The following LYPLAL1 variants were observed in gnomAD, a reference collection of about 807,000 sequenced individuals.
LYPLAL1 encodes the protein lysophospholipase-like protein 1.
A neutral mutation model predicts 19.7 loss-of-function variants in LYPLAL1; 23 were observed. The observed-to-expected ratio is 1.17, with a 90% CI of 0.84 to 1.65. The LOEUF (loss-of-function observed/expected upper bound fraction) is 1.65, where lower values mean the gene tolerates loss of function less well. Among genes scored for constraint, LYPLAL1 ranks in the 40% most tolerant of loss-of-function variants. The probability of loss-of-function intolerance (pLI) is 0.00; values close to 1 mark genes in which losing one functional copy is unlikely to be tolerated. For missense variants in LYPLAL1, 355 were observed against 279.4 expected (o/e 1.27, Z -1.93); for synonymous variants, 119 against 96.3 (o/e 1.24, Z -1.38).
chr1:219,355,228 G>A, the LYPLAL1 span, among the ~76,000 whole-genome samples: 1 of 152,120 alleles, frequency 6.6e-6, no homozygotes, highest in Non-Finnish European at 1.5e-5. Context: ...GAACTGATAT[G>A]GCTAGTGGCT....
the LYPLAL1 span, among the ~76,000 whole-genome samples, chr1:219,310,984 A>C: frequency 6.6e-6 from 1 of 152,234 alleles, no homozygotes; most frequent in Non-Finnish European, 1.5e-5. Flanking sequence ...TTCCTGGCTC[A>C]TAGGGAGAGA....
the LYPLAL1 span, among the ~76,000 whole-genome samples, chr1:219,363,804 G>A: frequency 1.8e-4 from 27 of 152,120 alleles, no homozygotes; most frequent in Non-Finnish European, 8.8e-5. Context: ...ACTAGCAAAA[G>A]TCTAACTTTC....
At chr1:219,391,192 G>A in the LYPLAL1 span, among the ~76,000 whole-genome samples, 3 of 152,088 alleles carry the variant, frequency 2.0e-5, no homozygotes, top group Non-Finnish European at 4.4e-5. Flanking sequence ...TGTGACTCTT[G>A]TGTACATTTG....
chr1:219,202,866 A>T (rs552752507), intron 3 of LYPLAL1, among the ~76,000 whole-genome samples: 2,451 of 150,536 alleles, frequency 0.016, 19 homozygotes, highest in Non-Finnish European at 0.023. Context: ...TGCTTGTTTT[A>T]TGTAGAGATG....
chr1:219,196,870 G>T (rs1657647683), intron 3 of LYPLAL1, among the ~76,000 whole-genome samples: 1 of 152,098 alleles, frequency 6.6e-6, no homozygotes, highest in Non-Finnish European at 1.5e-5. Flanking sequence ...CAAGCAGAGA[G>T]CTAAATCATG....
the LYPLAL1 span, among the ~76,000 whole-genome samples, chr1:219,436,237 G>A: frequency 6.6e-6 from 1 of 152,156 alleles, no homozygotes; most frequent in African/African-American, 2.4e-5. Flanking sequence ...TAAAAGTCTG[G>A]GGTTCTAGCC....
chr1:219,412,645 T>C, the LYPLAL1 span, among the ~76,000 whole-genome samples: 1 of 152,168 alleles, frequency 6.6e-6, no homozygotes, highest in African/African-American at 2.4e-5. Flanking sequence ...AGAATCCATA[T>C]CCTTTCTCAC....
the LYPLAL1 span, among the ~76,000 whole-genome samples, chr1:219,312,364 C>G: frequency 6.6e-6 from 1 of 152,170 alleles, no homozygotes; most frequent in Non-Finnish European, 1.5e-5. Context: ...CACCCTTTGT[C>G]CTAGGCTCTT....
At chr1:219,398,645 C>CA in the LYPLAL1 span, among the ~76,000 whole-genome samples, 1 of 152,182 alleles carries the variant, frequency 6.6e-6, no homozygotes, top group Non-Finnish European at 1.5e-5. Flanking sequence ...TTTGAGTTGT[C>CA]AGAGTTCTTG....
chr1:219,230,635 C>T, the LYPLAL1 span, among the ~76,000 whole-genome samples: 175 of 152,320 alleles, frequency 1.1e-3, 1 homozygote, highest in African/African-American at 3.6e-3. Flanking sequence ...TAGCAGACAA[C>T]CTCCTATCCC....
At chr1:219,332,942 A>G in the LYPLAL1 span, among the ~76,000 whole-genome samples, 1 of 151,570 alleles carries the variant, frequency 6.6e-6, no homozygotes, top group Non-Finnish European at 1.5e-5. Flanking sequence ...GAGTATAGAA[A>G]CTAGGTCCCA....
At chr1:219,261,775 C>A in the LYPLAL1 span, among the ~76,000 whole-genome samples, 1 of 152,084 alleles carries the variant, frequency 6.6e-6, no homozygotes, top group Non-Finnish European at 1.5e-5. Context: ...TTAACTGATA[C>A]CTTTGCCTCA....
chr1:219,249,564 A>G, the LYPLAL1 span, among the ~76,000 whole-genome samples: 1 of 152,036 alleles, frequency 6.6e-6, no homozygotes, highest in Non-Finnish European at 1.5e-5. Context: ...ATGCTGGATC[A>G]TAGGTGATGC....
the LYPLAL1 span, among the ~76,000 whole-genome samples, chr1:219,438,449 A>G: frequency 5.3e-5 from 8 of 152,214 alleles, no homozygotes; most frequent in Non-Finnish European, 1.0e-4. Context: ...CGTGCAAAGT[A>G]CCTGCACTTG....
intron 3 of LYPLAL1, among the ~76,000 whole-genome samples, chr1:219,202,885 CTA>C (rs539287946): frequency 3.6e-4 from 54 of 151,768 alleles, no homozygotes; most frequent in African/African-American, 1.3e-3. Context: ...TGGAGTCTCT[CTA>C]TGTTGCCCAG....
chr1:219,306,845 T>C, the LYPLAL1 span, among the ~76,000 whole-genome samples: 2,699 of 83,056 alleles, frequency 0.032, 92 homozygotes, highest in African/African-American at 0.081. Flanking sequence ...GATAGATAGA[T>C]AGATAGACAG....
At chr1:219,174,506 T>C (rs1305695988) in intron 1 of LYPLAL1, among the ~76,000 whole-genome samples, 3 of 152,180 alleles carry the variant, frequency 2.0e-5, no homozygotes, top group African/African-American at 4.8e-5. Context: ...TTCTCTCACT[T>C]TCCTTTTTGC....
chr1:219,245,801 C>G, the LYPLAL1 span, among the ~76,000 whole-genome samples: 1 of 152,074 alleles, frequency 6.6e-6, no homozygotes, highest in Non-Finnish European at 1.5e-5. Flanking sequence ...TAATTTCATC[C>G]TATAATGAAT....
chr1:219,182,414 A>T (rs1030768001), intron 2 of LYPLAL1, among the ~76,000 whole-genome samples: 9 of 151,980 alleles, frequency 5.9e-5, no homozygotes, highest in African/African-American at 1.9e-4. Context: ...TTGCGGTTTT[A>T]AGGATAGTTG....
Sources: allele counts gnomAD v4.1 joint callset (sites outside exome capture counted in the v4.1 genomes callset), GRCh38; gene constraint gnomAD v4.1.1; transcripts MANE v1.5; gene names NCBI Gene and HGNC (gene_info 2026-07-23, HGNC 2026-07-21).